Variants in IGSF11 observed in about 807,000 individuals in gnomAD.
IGSF11 encodes the protein immunoglobulin superfamily member 11.
A neutral mutation model predicts 41.0 loss-of-function variants in IGSF11; 22 were observed. That is an observed-to-expected ratio of 0.54 (90% confidence interval 0.38 to 0.77). The LOEUF (loss-of-function observed/expected upper bound fraction) is 0.77. IGSF11 is among the 30% of genes least tolerant of loss of function. The probability of loss-of-function intolerance (pLI) is 0.00; values close to 1 mark genes in which losing one functional copy is unlikely to be tolerated. For synonymous variants in IGSF11, 219 were observed against 201.3 expected (o/e 1.09, Z -0.74); for missense variants, 444 against 530.8 (o/e 0.84, Z 1.61).
intron 1 of IGSF11, among the ~76,000 whole-genome samples, chr3:118,939,667 A>T (rs1159975828): frequency 6.6e-6 from 1 of 152,208 alleles, no homozygotes; most frequent in Admixed American, 6.5e-5. Flanking sequence ...TGAGTATGAA[A>T]ACACAACTTA....
chr3:118,902,466 C>CCAGGT lies in IGSF11; in HGVS notation c.*53_*54insACCTG. ...CAGCACTCCCCACCCCACCCTCCCC[C>CCAGGT]TTGTATGAGGGCATTCCATTTATTC... On this transcript the variant is annotated 3_prime_UTR_variant, in exon 7 of 7. Coordinates refer to ENST00000393775, the MANE Select transcript of IGSF11 (RefSeq NM_001015887.3). The CCAGGT allele has an allele frequency of 3.4e-6, 3 of 878,264 alleles. No individual in the cohort carries two copies. Among genetic ancestry groups the CCAGGT allele is most frequent in the Non-Finnish European group, 3.7e-6 (2 of 544,880 alleles). 54.4% of individuals were successfully genotyped at this position (878,264 alleles called of 1,614,324 possible). A position where few individuals can be genotyped will look rare whatever the true frequency, so the allele number is the denominator to read the frequency against.
chr3:119,032,260 T>C (rs1344377898), intron 1 of IGSF11, among the ~76,000 whole-genome samples: 2 of 152,178 alleles, frequency 1.3e-5, no homozygotes, highest in East Asian at 3.9e-4. Flanking sequence ...TGTTCAGATA[T>C]ACACCCCTCC....
chr3:118,955,219 TACACACACAC>T (rs34044399), intron 1 of IGSF11, among the ~76,000 whole-genome samples: 27,902 of 144,426 alleles, frequency 0.19, 3,203 homozygotes, highest in African/African-American at 0.32. Flanking sequence ...TATATGTACA[TACACACACAC>T]ACACACACAC....
At chr3:118,920,077 A>T (rs1267371385) in intron 4 of IGSF11, among the ~76,000 whole-genome samples, 1 of 132,440 alleles carries the variant, frequency 7.6e-6, no homozygotes, top group East Asian at 2.3e-4. Flanking sequence ...ACCTGGACAC[A>T]TGAAGGGGAA....
At chr3:119,074,679 T>C (rs2076462199) in intron 1 of IGSF11, among the ~76,000 whole-genome samples, 2 of 151,170 alleles carry the variant, frequency 1.3e-5, no homozygotes, top group Admixed American at 1.3e-4. Flanking sequence ...GGTGAAACCC[T>C]GTCTCTACTA....
intron 1 of IGSF11, among the ~76,000 whole-genome samples, chr3:119,011,038 A>T (rs1220261936): frequency 2.0e-5 from 3 of 152,230 alleles, no homozygotes; most frequent in Non-Finnish European, 4.4e-5. Context: ...TTTCATATGG[A>T]AGGATAAGCT....
intron 1 of IGSF11, among the ~76,000 whole-genome samples, chr3:118,942,144 TAA>T (rs959270245): frequency 5.9e-5 from 9 of 152,298 alleles, no homozygotes; most frequent in African/African-American, 2.2e-4. Context: ...AGTTATACTT[TAA>T]AAAAATGTTT....
chr3:118,916,259 T>G (rs1217691402), intron 4 of IGSF11, among the ~76,000 whole-genome samples: 1 of 151,440 alleles, frequency 6.6e-6, no homozygotes, highest in East Asian at 2.0e-4. Context: ...CATAACACTA[T>G]TAACTTTAAA....
intron 4 of IGSF11, among the ~76,000 whole-genome samples, chr3:118,906,009 G>A (rs1040668496): frequency 6.6e-6 from 1 of 152,112 alleles, no homozygotes; most frequent in African/African-American, 2.4e-5. Flanking sequence ...CTGAGGAAAT[G>A]GTAGCTAATA....
chr3:119,134,929 CT>C (rs2077539098), intron 1 of IGSF11, among the ~76,000 whole-genome samples: 1 of 152,144 alleles, frequency 6.6e-6, no homozygotes, highest in South Asian at 2.1e-4. Flanking sequence ...ACCATCTGAT[CT>C]TTGACAAACC....
chr3:119,080,423 A>G (rs537566542), intron 1 of IGSF11, among the ~76,000 whole-genome samples: 3 of 152,364 alleles, frequency 2.0e-5, no homozygotes, highest in East Asian at 1.9e-4. Flanking sequence ...GTACCAATCA[A>G]TATGACAGTG....
upstream of IGSF11, among the ~76,000 whole-genome samples, chr3:119,036,743 T>A (rs1006988917): frequency 3.3e-5 from 5 of 151,920 alleles, no homozygotes; most frequent in East Asian, 5.8e-4. Flanking sequence ...TCCAATTGCA[T>A]ATGGGCTATA....
chr3:119,082,318 C>A (rs2076598518), intron 1 of IGSF11, among the ~76,000 whole-genome samples: 1 of 152,134 alleles, frequency 6.6e-6, no homozygotes, highest in Admixed American at 6.5e-5. Context: ...CACTTAACTA[C>A]AGATTGGCCA....
chr3:118,948,979 A>T (rs1018206857), intron 1 of IGSF11, among the ~76,000 whole-genome samples: 6 of 151,864 alleles, frequency 4.0e-5, no homozygotes, highest in Non-Finnish European at 8.8e-5. Flanking sequence ...CTCAAAAAAA[A>T]AAAAAAAAAG....
At chr3:119,105,119 AC>A in intron 1 of IGSF11, 1 of 1,535,280 alleles carries the variant, frequency 6.5e-7, no homozygotes, top group Non-Finnish European at 9.0e-7. Context: ...TAGTAATAAA[AC>A]TTTTCCAATG....
intron 1 of IGSF11, among the ~76,000 whole-genome samples, chr3:119,083,530 AC>A (rs1559857736): frequency 1.0e-4 from 6 of 58,358 alleles, no homozygotes; most frequent in African/African-American, 3.0e-4. Context: ...ACACACACAC[AC>A]ACACAAACAC....
At chr3:119,051,231 G>T (rs1238025754) in intron 1 of IGSF11, among the ~76,000 whole-genome samples, 1 of 151,450 alleles carries the variant, frequency 6.6e-6, no homozygotes, top group Non-Finnish European at 1.5e-5. Context: ...AAGAGATTCA[G>T]CTCACACATA....
chr3:119,026,936 T>C (rs762642321), intron 1 of IGSF11, among the ~76,000 whole-genome samples: 5 of 152,196 alleles, frequency 3.3e-5, no homozygotes, highest in African/African-American at 4.8e-5. Flanking sequence ...TGACAGTCAT[T>C]TGCGGCCAAT....
At chr3:119,071,238 A>G (rs780217300) in intron 1 of IGSF11, among the ~76,000 whole-genome samples, 2 of 152,172 alleles carry the variant, frequency 1.3e-5, no homozygotes, top group Non-Finnish European at 2.9e-5. Flanking sequence ...CCACAGTACT[A>G]CTCACATAAT....
Sources: gnomAD v4.1 joint callset for allele counts (sites outside exome capture counted in the v4.1 genomes callset) on GRCh38, gnomAD v4.1.1 for gene constraint, MANE v1.5 for transcripts, NCBI Gene and HGNC (gene_info 2026-07-23, HGNC 2026-07-21) for gene names.